SEZ6: variants seen among roughly 807,000 people sequenced by gnomAD.
SEZ6 encodes the protein seizure protein 6 homolog.
A neutral mutation model predicts 101.0 loss-of-function variants in SEZ6; 53 were observed. The ratio of observed to expected loss-of-function variants is 0.52; its 90% CI spans 0.42 to 0.66. SEZ6 has a LOEUF of 0.66. SEZ6 is among the 30% of genes least tolerant of loss of function. The pLI, the probability that SEZ6 is intolerant of heterozygous loss-of-function variation, is 0.00. For synonymous variants in SEZ6, 488 were observed against 512.2 expected (o/e 0.95, Z 0.64); for missense variants, 1,102 against 1,289.4 (o/e 0.85, Z 2.23).
intron 4 of SEZ6, 105 bp from the exon 5 acceptor site, chr17:28,964,252 T>C: frequency 8.1e-7 from 1 of 1,236,310 alleles, no homozygotes; most frequent in South Asian, 1.5e-5. Flanking sequence ...AGGTGTCATT[T>C]GGGGCCAGAG....
At chr17:28,973,241 T>C (rs1418634595) in intron 3 of SEZ6, among the ~76,000 whole-genome samples, 3 of 152,220 alleles carry the variant, frequency 2.0e-5, no homozygotes, top group African/African-American at 7.2e-5. Context: ...TTAAGCAGTC[T>C]TGCTTTGCTG....
At chr17:28,963,830 A>G (rs1050551567) in intron 5 of SEZ6, 132 bp downstream of exon 5, 1 of 1,039,580 alleles carries the variant, frequency 9.6e-7, no homozygotes, top group Non-Finnish European at 1.4e-6. Context: ...GATGAATGCC[A>G]CTGAGGTGCA....
In SEZ6 at chr17:28,958,196, C is replaced by T. The variant is rs1173269786; in HGVS notation, c.2108-55G>A. On this transcript the variant is annotated intron_variant, in intron 10 of 16. Transcript: ENST00000317338. The stretch of plus-strand genomic sequence containing the variant: ...CCTCGGCCAGCACCAAAGTGACTGT[C>T]CCCCTCACCTTGAGGGCACTCTGGC... 2.6e-6 allele frequency: 4 copies of T among 1,540,202 alleles called. No individual in the cohort carries two copies. In the Admixed American group the frequency reaches 5.4e-5, roughly 21 times the overall value.
intron 1 of SEZ6, among the ~76,000 whole-genome samples, chr17:28,990,100 T>C (rs935940681): frequency 1.3e-5 from 2 of 151,986 alleles, no homozygotes; most frequent in African/African-American, 4.8e-5. Flanking sequence ...AAAAAAAGAA[T>C]GAAAGACCAC....
intron 1 of SEZ6, among the ~76,000 whole-genome samples, chr17:29,002,356 T>C (rs978688515): frequency 1.7e-4 from 26 of 152,142 alleles, no homozygotes; most frequent in Admixed American, 1.5e-3. Context: ...AAGCTCAGTT[T>C]CTAATTAAGC....
rs144694205 is a variant in SEZ6, at chr17:28,991,236, G to A, written c.56-9197C>T. Among the ~76,000 whole-genome samples the A allele has an allele frequency of 6.9e-3, 1,007 of 145,332 alleles. 13 individuals carry two copies. The highest frequency in any genetic ancestry group is 0.025 in the African/African-American group (965 of 38,958). ...TATTTATTTATTGAGACGGAATCTC[G>A]CTCTGTCACCGAGGCTGGAGTGCAG... On this transcript the variant is annotated intron_variant, in intron 1 of 16. Coordinates refer to ENST00000317338, the MANE Select transcript of SEZ6 (RefSeq NM_178860.5).
chr17:28,963,821 A>C, intron 5 of SEZ6, 141 bp downstream of exon 5: 1 of 931,238 alleles, frequency 1.1e-6, no homozygotes, highest in Non-Finnish European at 1.7e-6. Flanking sequence ...TGCAGGTTGG[A>C]TGAATGCCAC....
chr17:29,001,629 T>C (rs1290987548), intron 1 of SEZ6, among the ~76,000 whole-genome samples: 2 of 152,168 alleles, frequency 1.3e-5, no homozygotes, highest in Non-Finnish European at 2.9e-5. Context: ...CCAAAAGCTG[T>C]TGAGAACTTG....
rs991806348 is a variant in SEZ6, at chr17:28,955,770, A to G, written c.*192T>C. 3 of 733,054 alleles carry G rather than the reference A, an allele frequency of 4.1e-6. No homozygotes were observed. The East Asian group carries it at 8.1e-5, about 20-fold the overall frequency. The allele number at this position is 733,054 out of a possible 1,614,324, so 45.4% of individuals were successfully genotyped here. A position where few individuals can be genotyped will look rare whatever the true frequency, so the allele number is the denominator to read the frequency against. On this transcript the variant is annotated 3_prime_UTR_variant, in exon 17 of 17. Coordinates refer to ENST00000317338, the MANE Select transcript of SEZ6 (RefSeq NM_178860.5). ...AATGAAGGGCCCCAAGTGGGCAATGACACCAAGAAAATAGGCCATGGTGGG... is the reference window on the plus strand; with the variant it reads ...AATGAAGGGCCCCAAGTGGGCAATGGCACCAAGAAAATAGGCCATGGTGGG...
intron 4 of SEZ6, 60 bp from the exon 5 acceptor site, chr17:28,964,207 C>A: frequency 1.3e-6 from 2 of 1,483,824 alleles, no homozygotes; most frequent in Non-Finnish European, 1.8e-6. Flanking sequence ...GGAGCTGGGC[C>A]ATTGGTTGGG....
intron 7 of SEZ6, 70 bp downstream of exon 7, chr17:28,960,435 G>A (rs1376879103): frequency 6.5e-7 from 1 of 1,534,940 alleles, no homozygotes; most frequent in Non-Finnish European, 8.8e-7. Flanking sequence ...GTAGGGTGTG[G>A]GAGAAAGACC....
Position 28,969,896 on chromosome 17 carries a change from C to T in SEZ6, c.915G>A (p.Gly305=). The T allele has an allele frequency of 1.3e-6, 2 of 1,543,526 alleles. No homozygotes were observed. Among genetic ancestry groups the T allele is most frequent in the South Asian group, 1.2e-5 (1 of 80,460 alleles). The change falls in exon 4 of 17, where the codon GGG becomes GGA. Residue 305 remains glycine, a synonymous_variant. Transcript: ENST00000317338. ...GETVTVEGLG[G]PDPLPLANQS... ...GGTTGGCCAGGGGCAGTGGGTCAGG[C>T]CCCCCCAGGCCTTCCACAGTCACTG... is the stretch of plus-strand genomic sequence containing the variant.
intron 1 of SEZ6, among the ~76,000 whole-genome samples, chr17:28,984,745 C>A (rs943551341): frequency 6.6e-6 from 1 of 152,182 alleles, no homozygotes; most frequent in Non-Finnish European, 1.5e-5. Flanking sequence ...GAGGGCATCT[C>A]CAGACCCCCT....
At chr17:28,966,585 T>C (rs143504529) in intron 4 of SEZ6, among the ~76,000 whole-genome samples, 4 of 152,226 alleles carry the variant, frequency 2.6e-5, no homozygotes, top group Non-Finnish European at 5.9e-5. Flanking sequence ...CTGATAACCC[T>C]TGGGGTGGTA....
chr17:28,988,905 C>T (rs1254092082), intron 1 of SEZ6, among the ~76,000 whole-genome samples: 1 of 152,170 alleles, frequency 6.6e-6, no homozygotes, highest in Non-Finnish European at 1.5e-5. Flanking sequence ...GACATCTAGC[C>T]CAACTACTGG....
chr17:28,962,654 A>G (rs902006317), intron 5 of SEZ6, among the ~76,000 whole-genome samples: 4 of 151,334 alleles, frequency 2.6e-5, no homozygotes, highest in African/African-American at 9.7e-5. Flanking sequence ...GGTGGCATGC[A>G]CCTGTAACCC....
At chr17:28,990,111 C>T (rs1383299978) in intron 1 of SEZ6, among the ~76,000 whole-genome samples, 1 of 152,068 alleles carries the variant, frequency 6.6e-6, no homozygotes, top group Non-Finnish European at 1.5e-5. Context: ...GAAAGACCAC[C>T]AGGTTTGGAG....
At chr17:28,984,787 G>A (rs906557764) in intron 1 of SEZ6, among the ~76,000 whole-genome samples, 20 of 152,310 alleles carry the variant, frequency 1.3e-4, no homozygotes, top group Admixed American at 8.5e-4. Flanking sequence ...GAGGCCCTGA[G>A]ACCTGCCCCC....
chr17:28,990,731 G>T (rs2041444942), intron 1 of SEZ6, among the ~76,000 whole-genome samples: 1 of 151,460 alleles, frequency 6.6e-6, no homozygotes, highest in Non-Finnish European at 1.5e-5. Context: ...CCATCTCCCG[G>T]CTATAAAAAA....
Sources: allele counts gnomAD v4.1 joint callset (sites outside exome capture counted in the v4.1 genomes callset), GRCh38; gene constraint gnomAD v4.1.1; transcripts MANE v1.5; gene names NCBI Gene and HGNC (gene_info 2026-07-23, HGNC 2026-07-21).